Variants in TASP1 observed in about 807,000 individuals in gnomAD.
The protein encoded by TASP1 is taspase 1.
A neutral mutation model predicts 56.6 loss-of-function variants in TASP1; 16 were observed. The ratio of observed to expected loss-of-function variants is 0.28; its 90% CI spans 0.19 to 0.43. TASP1 has a LOEUF of 0.43. Among genes scored for constraint, TASP1 ranks in the 20% least tolerant of loss-of-function variants. The pLI is 1.00. For synonymous variants in TASP1, 179 were observed against 184.2 expected (o/e 0.97, Z 0.23); for missense variants, 393 against 511.6 (o/e 0.77, Z 2.24).
the TASP1 span, among the ~76,000 whole-genome samples, chr20:13,273,057 G>A: frequency 1.9e-4 from 29 of 152,200 alleles, no homozygotes; most frequent in East Asian, 1.2e-3. Flanking sequence ...GCGGGAGAAC[G>A]GAAGGCTGCC....
intron 2 of TASP1, among the ~76,000 whole-genome samples, chr20:13,628,955 A>T (rs1386193491): frequency 6.6e-6 from 1 of 152,144 alleles, no homozygotes; most frequent in East Asian, 1.9e-4. Flanking sequence ...AAAGCACTAG[A>T]CTGAGACATA....
the TASP1 span, among the ~76,000 whole-genome samples, chr20:13,337,947 T>A: frequency 6.6e-6 from 1 of 152,162 alleles, no homozygotes; most frequent in African/African-American, 2.4e-5. Flanking sequence ...AAAGCATTTG[T>A]CCTTACGTTA....
the TASP1 span, among the ~76,000 whole-genome samples, chr20:13,340,468 T>C: frequency 2.0e-5 from 3 of 151,988 alleles, no homozygotes; most frequent in Non-Finnish European, 4.4e-5. Context: ...CATACCAGTA[T>C]ACATTATTCA....
At chr20:13,167,843 C>G in the TASP1 span, 1 of 152,238 alleles carries the variant, frequency 6.6e-6, no homozygotes, top group Admixed American at 6.5e-5. Context: ...AGCCTTCCTG[C>G]GTGATTCTAA....
chr20:13,454,777 C>T (rs1340496935), intron 11 of TASP1, among the ~76,000 whole-genome samples: 1 of 152,138 alleles, frequency 6.6e-6, no homozygotes, highest in African/African-American at 2.4e-5. Flanking sequence ...CTCTGAATTC[C>T]TTCCTTGTGT....
the TASP1 span, among the ~76,000 whole-genome samples, chr20:13,282,729 T>C: frequency 1.3e-5 from 2 of 152,246 alleles, no homozygotes; most frequent in Non-Finnish European, 2.9e-5. Context: ...TTCTGTGCAG[T>C]ACCTCTAAAG....
intron 13 of TASP1, among the ~76,000 whole-genome samples, chr20:13,404,188 T>A (rs1351727054): frequency 6.6e-6 from 1 of 152,258 alleles, no homozygotes; most frequent in Admixed American, 6.5e-5. Context: ...ATTCACTTAG[T>A]ACTCTTTCAT....
chr20:13,581,702 A>G (rs1258414845), intron 5 of TASP1, among the ~76,000 whole-genome samples: 1 of 152,214 alleles, frequency 6.6e-6, no homozygotes, highest in Non-Finnish European at 1.5e-5. Flanking sequence ...AAAGACAATG[A>G]CACTGATGAC....
the TASP1 span, among the ~76,000 whole-genome samples, chr20:13,371,188 T>G: frequency 6.6e-6 from 1 of 152,148 alleles, no homozygotes; most frequent in Non-Finnish European, 1.5e-5. Context: ...ATCCTTATTA[T>G]TTCCTCTTTC....
chr20:13,165,866 C>T, the TASP1 span: 3 of 152,164 alleles, frequency 2.0e-5, no homozygotes, highest in African/African-American at 7.2e-5. Flanking sequence ...TTGTTTAGGC[C>T]TATTAAATTG....
At chr20:13,187,725 T>A in the TASP1 span, among the ~76,000 whole-genome samples, 2 of 89,544 alleles carry the variant, frequency 2.2e-5, no homozygotes. Flanking sequence ...AGAGTGAGAC[T>A]CCATCTCAAA....
the TASP1 span, among the ~76,000 whole-genome samples, chr20:13,123,132 A>G: frequency 6.6e-6 from 1 of 152,164 alleles, no homozygotes; most frequent in African/African-American, 2.4e-5. Flanking sequence ...GGAGTTCGAG[A>G]CCAGCCTGGC....
intron 6 of TASP1, 132 bp from the exon 7 acceptor site, chr20:13,569,718 G>C: frequency 1.5e-6 from 1 of 673,118 alleles, no homozygotes; most frequent in South Asian, 2.6e-5. Flanking sequence ...TTACCTCAAA[G>C]TAGTAAGATG....
In TASP1 at chr20:13,630,073, G is replaced by A. The variant is rs2049030357; in HGVS notation, c.6C>T (p.Thr2=). The stretch of plus-strand genomic sequence containing the variant: ...CTCCAGAACTCATCCCCTTCTCCAT[G>A]GTCATTCTCCAAGATTACCATCTTC... M[T]MEKGMSSGEG... The change falls in exon 2 of 14, where the codon ACC becomes ACT. Residue 2 remains threonine, a synonymous_variant. Coordinates refer to ENST00000337743, the MANE Select transcript of TASP1 (RefSeq NM_017714.3). The A allele has an allele frequency of 6.2e-7, 1 of 1,611,434 alleles. No individual in the cohort carries two copies. Among genetic ancestry groups the A allele is most frequent in the Non-Finnish European group, 8.5e-7 (1 of 1,179,180 alleles).
chr20:13,159,907 G>C, the TASP1 span: 22 of 1,427,410 alleles, frequency 1.5e-5, no homozygotes, highest in Non-Finnish European at 2.0e-5. Context: ...AAAGAAAAAA[G>C]AAAAAATCAA....
At chr20:13,197,120 C>G in the TASP1 span, among the ~76,000 whole-genome samples, 1 of 152,312 alleles carries the variant, frequency 6.6e-6, no homozygotes, top group African/African-American at 2.4e-5. Flanking sequence ...GACTACATCC[C>G]CCTGGAGGCA....
At chr20:13,217,905 G>A in the TASP1 span, among the ~76,000 whole-genome samples, 1 of 152,226 alleles carries the variant, frequency 6.6e-6, no homozygotes, top group Admixed American at 6.5e-5. Flanking sequence ...TCTCTTTTGA[G>A]CAGTAACTCA....
chr20:13,168,572 A>G, the TASP1 span: 1 of 152,214 alleles, frequency 6.6e-6, no homozygotes, highest in East Asian at 1.9e-4. Flanking sequence ...ACAGCTCTTC[A>G]GTAGGGTAAA....
the TASP1 span, chr20:13,270,624 C>T: frequency 5.0e-6 from 8 of 1,613,836 alleles, no homozygotes; most frequent in South Asian, 1.1e-5. Context: ...ACCGCGATTC[C>T]GACAAGAGAC....
Sources: gnomAD v4.1 joint callset for allele counts (sites outside exome capture counted in the v4.1 genomes callset) on GRCh38, gnomAD v4.1.1 for gene constraint, MANE v1.5 for transcripts, NCBI Gene and HGNC (gene_info 2026-07-23, HGNC 2026-07-21) for gene names.